HYCC2: variants seen among roughly 807,000 people sequenced by gnomAD.
The protein encoded by HYCC2 is hyccin PI4KA lipid kinase complex subunit 2.
At chr2:200,988,320 C>T in the HYCC2 span, 1 of 1,613,864 alleles carries the variant, frequency 6.2e-7, no homozygotes, top group Non-Finnish European at 8.5e-7. Flanking sequence ...TCCGAGAAAT[C>T]CTCGGCACTG....
chr2:200,988,283 G>A, the HYCC2 span: 55 of 1,611,372 alleles, frequency 3.4e-5, no homozygotes, highest in African/African-American at 1.6e-4. Flanking sequence ...CATCTATGAC[G>A]ACGGATTGAA....
chr2:201,014,255 C>T, the HYCC2 span, among the ~76,000 whole-genome samples: 1 of 152,022 alleles, frequency 6.6e-6, no homozygotes, highest in African/African-American at 2.4e-5. Flanking sequence ...TCTAAAACAC[C>T]AAATTCCATT....
At chr2:201,047,193 G>A in the HYCC2 span, among the ~76,000 whole-genome samples, 57 of 152,010 alleles carry the variant, frequency 3.7e-4, 1 homozygote, top group East Asian at 9.3e-3. Context: ...CAGTGCAGCC[G>A]GCAGCACATC....
chr2:201,063,142 T>C, the HYCC2 span: 2 of 1,610,528 alleles, frequency 1.2e-6, no homozygotes, highest in South Asian at 2.2e-5. Context: ...AGCTCTTCAT[T>C]GGAGGGTTGA....
the HYCC2 span, among the ~76,000 whole-genome samples, chr2:201,026,051 T>G: frequency 6.6e-6 from 1 of 152,158 alleles, no homozygotes; most frequent in South Asian, 2.1e-4. Flanking sequence ...CCCATAAGTA[T>G]GCTGTATTCA....
the HYCC2 span, among the ~76,000 whole-genome samples, chr2:201,010,458 A>G: frequency 6.6e-6 from 1 of 152,238 alleles, no homozygotes; most frequent in Non-Finnish European, 1.5e-5. Flanking sequence ...AGTTTGATTC[A>G]TAAGTTTCTT....
chr2:200,994,791 A>G, the HYCC2 span, among the ~76,000 whole-genome samples: 1 of 152,064 alleles, frequency 6.6e-6, no homozygotes, highest in Non-Finnish European at 1.5e-5. Flanking sequence ...ACTTGAGGCC[A>G]GGAGTTCAAG....
chr2:201,050,032 A>G, the HYCC2 span, among the ~76,000 whole-genome samples: 1 of 151,950 alleles, frequency 6.6e-6, no homozygotes, highest in Admixed American at 6.6e-5. Context: ...CTATAGGTCA[A>G]AGAAGAAATC....
the HYCC2 span, chr2:201,011,343 TG>T: frequency 1.9e-6 from 2 of 1,080,998 alleles, no homozygotes; most frequent in Non-Finnish European, 2.7e-6. Context: ...CTTTTTGATT[TG>T]TTACTCAATA....
At chr2:200,975,898 T>TA in the HYCC2 span, 7 of 152,128 alleles carry the variant, frequency 4.6e-5, no homozygotes, top group African/African-American at 1.4e-4. Flanking sequence ...TCAGTACCAG[T>TA]ATGATATACC....
the HYCC2 span, among the ~76,000 whole-genome samples, chr2:201,024,413 C>A: frequency 2.0e-5 from 3 of 152,026 alleles, no homozygotes; most frequent in African/African-American, 4.8e-5. Flanking sequence ...AACTTGACCA[C>A]CGGAGATAGA....
At chr2:201,050,797 T>C in the HYCC2 span, among the ~76,000 whole-genome samples, 1 of 151,160 alleles carries the variant, frequency 6.6e-6, no homozygotes, top group African/African-American at 2.4e-5. Flanking sequence ...TAGCCAGGTG[T>C]GGTGGTGGGT....
chr2:201,024,376 T>C, the HYCC2 span, among the ~76,000 whole-genome samples: 1 of 151,966 alleles, frequency 6.6e-6, no homozygotes, highest in Non-Finnish European at 1.5e-5. Flanking sequence ...CCAGTCCTAG[T>C]TACTTGGTAC....
chr2:201,022,936 A>G, the HYCC2 span: 2 of 1,597,172 alleles, frequency 1.3e-6, no homozygotes, highest in Non-Finnish European at 1.7e-6. Context: ...GTAATGCCTA[A>G]AAGAAACCAC....
the HYCC2 span, among the ~76,000 whole-genome samples, chr2:201,049,443 G>T: frequency 6.6e-6 from 1 of 151,726 alleles, no homozygotes; most frequent in Non-Finnish European, 1.5e-5. Flanking sequence ...TCCGCCTCCC[G>T]GGGTTCAAAA....
the HYCC2 span, among the ~76,000 whole-genome samples, chr2:200,998,592 A>G: frequency 6.6e-6 from 1 of 152,196 alleles, no homozygotes; most frequent in Admixed American, 6.5e-5. Context: ...TCTAATACAT[A>G]ATTGTTTAAT....
At chr2:201,055,042 T>C in the HYCC2 span, among the ~76,000 whole-genome samples, 4 of 152,300 alleles carry the variant, frequency 2.6e-5, no homozygotes, top group African/African-American at 9.6e-5. Context: ...AAGAGTTGAG[T>C]CAAGAAATGC....
the HYCC2 span, among the ~76,000 whole-genome samples, chr2:201,054,485 C>T: frequency 1.3e-5 from 2 of 152,156 alleles, no homozygotes; most frequent in African/African-American, 4.8e-5. Context: ...TAGCTTCCTG[C>T]TAGGACAAGA....
At chr2:201,051,694 G>A in the HYCC2 span, among the ~76,000 whole-genome samples, 4 of 152,176 alleles carry the variant, frequency 2.6e-5, no homozygotes, top group Non-Finnish European at 5.9e-5. Context: ...ATAAAGCGGA[G>A]GATATACCAT....
Sources: allele counts gnomAD v4.1 joint callset (sites outside exome capture counted in the v4.1 genomes callset), GRCh38; gene constraint gnomAD v4.1.1; transcripts MANE v1.5; gene names NCBI Gene and HGNC (gene_info 2026-07-23, HGNC 2026-07-21).